The following BICC1 variants were observed in gnomAD, a reference collection of about 807,000 sequenced individuals.
The protein encoded by BICC1 is protein bicaudal C homolog 1.
In BICC1, 43 loss-of-function variants were observed where a neutral mutation model predicts 111.0. The observed-to-expected ratio is 0.39, with a 90% CI of 0.30 to 0.50. The LOEUF is 0.50. Among genes scored for constraint, BICC1 ranks in the 20% least tolerant of loss-of-function variants. The probability of loss-of-function intolerance (pLI) is 0.88; values close to 1 mark genes in which losing one functional copy is unlikely to be tolerated. For synonymous variants in BICC1, 467 were observed against 434.4 expected, an observed-to-expected ratio of 1.07 and a Z score of -0.93; for missense variants, 1,091 against 1,203.2, an observed-to-expected ratio of 0.91 and a Z score of 1.38.
At chr10:58,756,370 G>A (rs1326110452) in intron 3 of BICC1, among the ~76,000 whole-genome samples, 2 of 152,170 alleles carry the variant, frequency 1.3e-5, no homozygotes, top group East Asian at 3.9e-4. Context: ...TGTGGGGGTG[G>A]AGAGGGGCAT....
chr10:58,558,847 A>G (rs1017111829), intron 1 of BICC1, among the ~76,000 whole-genome samples: 5 of 152,038 alleles, frequency 3.3e-5, no homozygotes, highest in African/African-American at 1.2e-4. Flanking sequence ...TCCTCACATA[A>G]TGGAAAGGGC....
chr10:58,814,424 G>A, intron 18 of BICC1: 1 of 362,936 alleles, frequency 2.8e-6, no homozygotes, highest in South Asian at 3.6e-5. Context: ...TTTGTGAAAT[G>A]AATGCATGAA....
At chr10:58,821,046 C>A (rs1436794103) in intron 20 of BICC1, among the ~76,000 whole-genome samples, 1 of 152,062 alleles carries the variant, frequency 6.6e-6, no homozygotes, top group Non-Finnish European at 1.5e-5. Flanking sequence ...TTTCTTTGTG[C>A]ATCTGTTGCA....
intron 4 of BICC1, 63 bp downstream of exon 4, chr10:58,785,143 C>A: frequency 2.1e-6 from 2 of 932,672 alleles, no homozygotes; most frequent in South Asian, 2.0e-5. Context: ...TACTTCATGC[C>A]GTTATGAAAG....
intron 3 of BICC1, among the ~76,000 whole-genome samples, chr10:58,742,545 C>T (rs1841703338): frequency 6.7e-6 from 1 of 150,240 alleles, no homozygotes; most frequent in African/African-American, 2.5e-5. Flanking sequence ...TCAAGCAGCT[C>T]TCCTGCCCCA....
At chr10:58,732,341 G>A (rs1841327750) in intron 3 of BICC1, among the ~76,000 whole-genome samples, 1 of 128,764 alleles carries the variant, frequency 7.8e-6, no homozygotes, top group Non-Finnish European at 1.6e-5. Context: ...GAAAGAAGAG[G>A]AAGAGGAGTG....
chr10:58,676,794 G>C (rs1839357607), intron 2 of BICC1, among the ~76,000 whole-genome samples: 1 of 152,182 alleles, frequency 6.6e-6, no homozygotes, highest in Non-Finnish European at 1.5e-5. Flanking sequence ...ACTCATACAG[G>C]AGAGCTCTGG....
intron 3 of BICC1, among the ~76,000 whole-genome samples, chr10:58,756,695 T>G (rs1842158498): frequency 6.6e-6 from 1 of 151,600 alleles, no homozygotes; most frequent in South Asian, 2.1e-4. Flanking sequence ...AATGGCATAT[T>G]AAGTTACCAG....
At chr10:58,772,378 A>G (rs1401059544) in intron 3 of BICC1, among the ~76,000 whole-genome samples, 1 of 152,148 alleles carries the variant, frequency 6.6e-6, no homozygotes, top group Non-Finnish European at 1.5e-5. Context: ...TGTGTCTCTT[A>G]TAATAGTAAC....
intron 3 of BICC1, chr10:58,716,323 G>A: frequency 2.1e-6 from 3 of 1,438,224 alleles, no homozygotes; most frequent in Non-Finnish European, 1.8e-6. Context: ...TATAAAGAAA[G>A]TGCAATGTCT....
chr10:58,733,481 T>C (rs1000501570), intron 3 of BICC1, among the ~76,000 whole-genome samples: 1 of 152,236 alleles, frequency 6.6e-6, no homozygotes, highest in Non-Finnish European at 1.5e-5. Flanking sequence ...TAATCACAGG[T>C]ACAATGTCCC....
Position 58,531,852 on chromosome 10 carries a change from AAGAC to A in BICC1, c.190+18522_190+18525del, listed in dbSNP as rs199973811. ...GCAAGAGAAAGAATCAGCAAACTCA[AAGAC>A]AGGTCATTTGAAATTATTGAGTCAG... On this transcript the variant is annotated intron_variant, in intron 1 of 20. Transcript: ENST00000373886. 7.8e-4 allele frequency among the ~76,000 whole-genome samples: 119 copies of A among 151,912 alleles called. No individual in the cohort carries two copies. The East Asian group carries it at 0.02, about 25-fold the overall frequency.
At position 58,730,654 on chromosome 10, in the gene BICC1, G is replaced by A. The variant is rs558579352; in HGVS notation, c.307+28511G>A. On this transcript the variant is annotated intron_variant, in intron 3 of 20. Transcript: ENST00000373886. ...TTTTCATATATCCTCTAAAATCTAG[G>A]CAGAGGCTCCCAAGCCTCAGTCTTT... Among the ~76,000 whole-genome samples, 8 of 152,016 alleles carry A rather than the reference G, an allele frequency of 5.3e-5. No individual in the cohort carries two copies. In the South Asian group the frequency reaches 1.7e-3, roughly 32 times the overall value.
chr10:58,742,084 G>A (rs1056601668), intron 3 of BICC1, among the ~76,000 whole-genome samples: 1 of 152,184 alleles, frequency 6.6e-6, no homozygotes, highest in African/African-American at 2.4e-5. Context: ...GGCCATTAAA[G>A]TTTGGATGTT....
intron 2 of BICC1, among the ~76,000 whole-genome samples, chr10:58,696,983 T>G (rs562570775): frequency 6.6e-6 from 1 of 152,326 alleles, no homozygotes; most frequent in East Asian, 1.9e-4. Flanking sequence ...TTGCATAACT[T>G]GGCATTCTCT....
At chr10:58,769,406 A>G (rs146787095) in intron 3 of BICC1, among the ~76,000 whole-genome samples, 3,617 of 129,706 alleles carry the variant, frequency 0.028, 60 homozygotes, top group African/African-American at 0.051. Context: ...GTGTGTGTGT[A>G]TATATATATA....
chr10:58,709,226 C>T (rs1431529237), intron 3 of BICC1, among the ~76,000 whole-genome samples: 3 of 152,198 alleles, frequency 2.0e-5, no homozygotes, highest in Non-Finnish European at 4.4e-5. Context: ...CACACCACAC[C>T]TTTCCCAGCC....
chr10:58,765,955 A>G (rs778776386), intron 3 of BICC1, among the ~76,000 whole-genome samples: 1 of 152,258 alleles, frequency 6.6e-6, no homozygotes, highest in Non-Finnish European at 1.5e-5. Flanking sequence ...TTTTCCAGGC[A>G]CACAATAAAG....
intron 3 of BICC1, among the ~76,000 whole-genome samples, chr10:58,741,374 G>A (rs1177760948): frequency 1.3e-5 from 2 of 152,114 alleles, no homozygotes; most frequent in Admixed American, 1.3e-4. Context: ...AGTATTTTGT[G>A]ACTGATTTTT....
Sources: allele counts gnomAD v4.1 joint callset (sites outside exome capture counted in the v4.1 genomes callset), GRCh38; gene constraint gnomAD v4.1.1; transcripts MANE v1.5; gene names NCBI Gene and HGNC (gene_info 2026-07-23, HGNC 2026-07-21).